Variants in SLIT2 observed in about 807,000 individuals in gnomAD.
SLIT2 encodes slit guidance ligand 2.
SLIT2 carries 41 observed loss-of-function variants against 185.7 expected under a neutral mutation model. The ratio of observed to expected loss-of-function variants is 0.22; its 90% confidence interval spans 0.17 to 0.29. The LOEUF (loss-of-function observed/expected upper bound fraction) is 0.29. Ranked by LOEUF, SLIT2 falls within the 10% of genes least tolerant of loss-of-function variation. The pLI, the probability that SLIT2 is intolerant of heterozygous loss-of-function variation, is 1.00. For synonymous variants in SLIT2, 693 were observed against 680.2 expected (o/e 1.02, Z -0.29); for missense variants, 1,571 against 1,909.0 (o/e 0.82, Z 3.30).
chr4:20,477,416 C>A (rs1220206212), intron 5 of SLIT2, among the ~76,000 whole-genome samples: 5 of 152,056 alleles, frequency 3.3e-5, no homozygotes, highest in African/African-American at 1.2e-4. Flanking sequence ...CCAGGCTGGT[C>A]TCAAACCCCT....
At chr4:20,592,449 GA>G (rs1310839666) in intron 30 of SLIT2, among the ~76,000 whole-genome samples, 1 of 152,062 alleles carries the variant, frequency 6.6e-6, no homozygotes, top group Non-Finnish European at 1.5e-5. Flanking sequence ...ACAAACTCAG[GA>G]ATTCTTATTT....
chr4:20,342,540 A>G (rs1338693334), intron 4 of SLIT2, among the ~76,000 whole-genome samples: 2 of 152,086 alleles, frequency 1.3e-5, no homozygotes, highest in African/African-American at 4.8e-5. Context: ...ATATCATAAT[A>G]AAGTATTACC....
At chr4:20,467,149 A>G (rs1222284991) in intron 4 of SLIT2, among the ~76,000 whole-genome samples, 1 of 152,190 alleles carries the variant, frequency 6.6e-6, no homozygotes, top group Non-Finnish European at 1.5e-5. Context: ...TTATGATTAT[A>G]ATAGAATTAT....
At chr4:20,420,075 C>G (rs1362622485) in intron 4 of SLIT2, among the ~76,000 whole-genome samples, 1 of 152,184 alleles carries the variant, frequency 6.6e-6, no homozygotes, top group East Asian at 1.9e-4. Flanking sequence ...ACCACTGTCT[C>G]TAATATCCAA....
intron 4 of SLIT2, among the ~76,000 whole-genome samples, chr4:20,380,886 A>C (rs1037258994): frequency 2.6e-5 from 4 of 152,152 alleles, no homozygotes; most frequent in African/African-American, 9.7e-5. Context: ...GACAATTACA[A>C]ACCCCCAAAC....
intron 4 of SLIT2, among the ~76,000 whole-genome samples, chr4:20,309,298 T>G: frequency 6.6e-6 from 1 of 152,152 alleles, no homozygotes. Context: ...TATAGCATTC[T>G]TTGCACTAAA....
At chr4:20,397,118 C>T (rs1725959514) in intron 4 of SLIT2, among the ~76,000 whole-genome samples, 1 of 151,588 alleles carries the variant, frequency 6.6e-6, no homozygotes, top group South Asian at 2.1e-4. Flanking sequence ...ATTAGTTAAA[C>T]TCATATTTTC....
At chr4:20,307,799 G>A (rs75685166) in intron 4 of SLIT2, among the ~76,000 whole-genome samples, 4 of 152,100 alleles carry the variant, frequency 2.6e-5, no homozygotes, top group Non-Finnish European at 5.9e-5. Context: ...TGCATTTAAG[G>A]ACATGAATCT....
chr4:20,253,651 AGTGGG>A lies in SLIT2; in HGVS notation c.-164_-160del. On this transcript the variant is annotated 5_prime_UTR_variant, in exon 1 of 37. Coordinates refer to ENST00000504154, the MANE Select transcript of SLIT2 (RefSeq NM_004787.4). ...GAGGGCGGTGGGAGGCGTGTGCCTG[AGTGGG>A]CTCTACTGCCTTGTTCCATATTATT... 1 of 731,290 alleles carries A rather than the reference AGTGGG, an allele frequency of 1.4e-6. No homozygotes were observed. Among genetic ancestry groups the A allele is most frequent in the Non-Finnish European group, 2.2e-6 (1 of 456,412 alleles). The allele number at this position is 731,290 out of a possible 1,614,324, so 45.3% of individuals were successfully genotyped here. A position where few individuals can be genotyped will look rare whatever the true frequency, so the allele number is the denominator to read the frequency against.
intron 11 of SLIT2, among the ~76,000 whole-genome samples, chr4:20,518,754 G>A (rs1486631258): frequency 3.6e-5 from 5 of 140,698 alleles, no homozygotes; most frequent in Middle Eastern, 3.7e-3. Context: ...ACAGGCGCCC[G>A]CCACCACGCC....
At chr4:20,346,256 A>G (rs1721402307) in intron 4 of SLIT2, among the ~76,000 whole-genome samples, 1 of 152,138 alleles carries the variant, frequency 6.6e-6, no homozygotes, top group Non-Finnish European at 1.5e-5. Flanking sequence ...TCGTGCTCCC[A>G]AAGTGTTGAG....
At chr4:20,364,058 G>C (rs1046049927) in intron 4 of SLIT2, among the ~76,000 whole-genome samples, 4 of 152,126 alleles carry the variant, frequency 2.6e-5, no homozygotes, top group Non-Finnish European at 5.9e-5. Flanking sequence ...ATCTACAATT[G>C]ATTTTTCTAC....
intron 4 of SLIT2, among the ~76,000 whole-genome samples, chr4:20,375,460 A>G (rs541749976): frequency 6.6e-6 from 1 of 152,236 alleles, no homozygotes; most frequent in Non-Finnish European, 1.5e-5. Flanking sequence ...ACTTAAAAAT[A>G]TCCTAATATG....
At chr4:20,588,460 C>T (rs973206005) in intron 29 of SLIT2, among the ~76,000 whole-genome samples, 4 of 152,068 alleles carry the variant, frequency 2.6e-5, no homozygotes, top group African/African-American at 9.7e-5. Context: ...AAATTTTAAC[C>T]GATGCTGTTA....
intron 4 of SLIT2, among the ~76,000 whole-genome samples, chr4:20,295,174 C>A (rs764398617): frequency 7.2e-5 from 11 of 152,102 alleles, no homozygotes; most frequent in Non-Finnish European, 1.6e-4. Flanking sequence ...ATAATTTTAA[C>A]CTTTCTGCCA....
Position 20,345,337 on chromosome 4 carries a change from T to C in SLIT2, c.395+76456T>C, listed in dbSNP as rs560719759. 2.0e-5 allele frequency among the ~76,000 whole-genome samples: 3 copies of C among 152,280 alleles called. No individual in the cohort carries two copies. In the South Asian group the frequency reaches 6.2e-4, roughly 32 times the overall value. On this transcript the variant is annotated intron_variant, in intron 4 of 36. Transcript: ENST00000504154. ...TTGAAAACCTGTAGCTCTTTGGCTT[T>C]GTGCCTCAATTAGAGCACAGGAACT...
intron 9 of SLIT2, 38 bp from the exon 10 acceptor site, chr4:20,510,457 A>G (rs763476258): frequency 1.5e-6 from 2 of 1,333,618 alleles, no homozygotes; most frequent in South Asian, 2.3e-5. Context: ...CCGAAGGTTC[A>G]CATTTCCATT....
chr4:20,294,325 G>T (rs1390638930), intron 4 of SLIT2, among the ~76,000 whole-genome samples: 3 of 149,110 alleles, frequency 2.0e-5, no homozygotes. Flanking sequence ...CTCCATCCTG[G>T]ATGACAGAGT....
At chr4:20,263,375 C>A (rs1209881194) in intron 3 of SLIT2, among the ~76,000 whole-genome samples, 1 of 151,846 alleles carries the variant, frequency 6.6e-6, no homozygotes, top group East Asian at 1.9e-4. Flanking sequence ...TGTGTCCTCT[C>A]TGCAATGTCC....
Sources: gnomAD v4.1 joint callset for allele counts (sites outside exome capture counted in the v4.1 genomes callset) on GRCh38, gnomAD v4.1.1 for gene constraint, MANE v1.5 for transcripts, NCBI Gene and HGNC (gene_info 2026-07-23, HGNC 2026-07-21) for gene names.